The following SESTD1 variants were observed in gnomAD, a reference collection of about 807,000 sequenced individuals.
SESTD1 encodes SEC14 and spectrin domain containing 1.
A neutral mutation model predicts 101.7 loss-of-function variants in SESTD1; 43 were observed. That is an observed-to-expected ratio of 0.42 (90% CI 0.33 to 0.55). The LOEUF is 0.55. Ranked by LOEUF, SESTD1 falls within the 20% of genes least tolerant of loss-of-function variation. The pLI, the probability that SESTD1 is intolerant of heterozygous loss-of-function variation, is 0.07. For missense variants in SESTD1, 647 were observed against 815.1 expected (o/e 0.79, Z 2.51); for synonymous variants, 283 against 286.8 (o/e 0.99, Z 0.13).
At chr2:179,264,152 T>C (rs926874766) in intron 1 of SESTD1, 1 of 152,098 alleles carries the variant, frequency 6.6e-6, no homozygotes, top group African/African-American at 2.4e-5. Flanking sequence ...CACCCAGAAA[T>C]GAACAAGGGC....
chr2:179,217,748 A>G (rs900621944), intron 1 of SESTD1, among the ~76,000 whole-genome samples: 1 of 152,224 alleles, frequency 6.6e-6, no homozygotes, highest in Non-Finnish European at 1.5e-5. Flanking sequence ...CATCAATGAT[A>G]GACTGGATTA....
chr2:179,139,848 C>G (rs563619886), intron 9 of SESTD1, among the ~76,000 whole-genome samples: 22 of 152,140 alleles, frequency 1.4e-4, no homozygotes, highest in Non-Finnish European at 3.1e-4. Context: ...CAGAACTCCT[C>G]GAAGAGATGG....
chr2:179,182,295 T>A (rs563024163), intron 3 of SESTD1, among the ~76,000 whole-genome samples: 24 of 152,178 alleles, frequency 1.6e-4, no homozygotes, highest in African/African-American at 4.8e-4. Flanking sequence ...TGCCCTCATT[T>A]ACATGCTTAA....
intron 1 of SESTD1, among the ~76,000 whole-genome samples, chr2:179,260,248 C>T (rs758551334): frequency 6.6e-6 from 1 of 152,062 alleles, no homozygotes; most frequent in East Asian, 1.9e-4. Flanking sequence ...AATAAGAAAA[C>T]GGGCCAGGTG....
chr2:179,212,394 C>T (rs924951872), intron 1 of SESTD1, among the ~76,000 whole-genome samples: 1 of 136,534 alleles, frequency 7.3e-6, no homozygotes, highest in Non-Finnish European at 1.6e-5. Context: ...TTGCTCACTG[C>T]TAGCGCAGCA....
chr2:179,200,320 C>G (rs2046486133), intron 1 of SESTD1, among the ~76,000 whole-genome samples: 1 of 152,024 alleles, frequency 6.6e-6, no homozygotes, highest in Admixed American at 6.5e-5. Context: ...TAGGAAGAAT[C>G]AATATCGTGA....
At chr2:179,261,432 G>C (rs1232256442) in intron 1 of SESTD1, among the ~76,000 whole-genome samples, 1 of 151,950 alleles carries the variant, frequency 6.6e-6, no homozygotes, top group Non-Finnish European at 1.5e-5. Flanking sequence ...AAAAAAACAA[G>C]CAAATGATTA....
At chr2:179,156,580 G>A (rs1017069392) in intron 5 of SESTD1, among the ~76,000 whole-genome samples, 2 of 152,200 alleles carry the variant, frequency 1.3e-5, no homozygotes, top group Non-Finnish European at 2.9e-5. Context: ...CATTAGTGAT[G>A]TTGAGCATTT....
At position 179,109,646 on chromosome 2, in the gene SESTD1, C is replaced by A. The variant is rs756818104; in HGVS notation, c.*253G>T. The A allele has an allele frequency of 6.4e-6, 3 of 471,008 alleles. No homozygotes were observed. The highest frequency in any genetic ancestry group is 2.0e-5 in the African/African-American group (1 of 51,054). The allele number at this position is 471,008 out of a possible 1,614,324, so 29.2% of individuals were successfully genotyped here. Reference sequence around the variant, plus strand: ...CTACAAACTGACAGGTCAGGTAAAGCTTTAAAGCAAGTTTTCAGTGCAATG... The same window carrying A: ...CTACAAACTGACAGGTCAGGTAAAGATTTAAAGCAAGTTTTCAGTGCAATG... On this transcript the variant is annotated 3_prime_UTR_variant, in exon 18 of 18. Coordinates refer to ENST00000428443, the MANE Select transcript of SESTD1 (RefSeq NM_178123.5).
At chr2:179,125,626 C>G (rs76298720) in intron 10 of SESTD1, among the ~76,000 whole-genome samples, 8,477 of 152,272 alleles carry the variant, frequency 0.056, 300 homozygotes, top group South Asian at 0.091. Flanking sequence ...TGCTTATAAA[C>G]TACAAAAGGA....
At chr2:179,165,781 A>G (rs1211333057) in intron 5 of SESTD1, among the ~76,000 whole-genome samples, 1 of 152,198 alleles carries the variant, frequency 6.6e-6, no homozygotes, top group East Asian at 1.9e-4. Flanking sequence ...ACATCCTTCC[A>G]CAAAGTCTAC....
chr2:179,232,464 G>T (rs931483738), intron 1 of SESTD1, among the ~76,000 whole-genome samples: 1 of 151,140 alleles, frequency 6.6e-6, no homozygotes, highest in Non-Finnish European at 1.5e-5. Flanking sequence ...AATGAACAAG[G>T]TTAATCCAGA....
chr2:179,115,862 A>G (rs1302599096), intron 15 of SESTD1, among the ~76,000 whole-genome samples: 1 of 152,220 alleles, frequency 6.6e-6, no homozygotes, highest in Non-Finnish European at 1.5e-5. Context: ...ACTGGCCAGA[A>G]AGAATGTCTG....
rs780814460 is a variant in SESTD1, at chr2:179,109,681, C to A, written c.*218G>T. 1 of 545,102 alleles carries A rather than the reference C, an allele frequency of 1.8e-6. No homozygotes were observed. Among genetic ancestry groups the A allele is most frequent in the Non-Finnish European group, 3.1e-6 (1 of 319,962 alleles). The allele number at this position is 545,102 out of a possible 1,614,324, so 33.8% of individuals were successfully genotyped here. A position where few individuals can be genotyped will look rare whatever the true frequency, so the allele number is the denominator to read the frequency against. On this transcript the variant is annotated 3_prime_UTR_variant, in exon 18 of 18. Coordinates refer to ENST00000428443, the MANE Select transcript of SESTD1 (RefSeq NM_178123.5). ...AGTTTTCAGTGCAATGTTTATAGTT[C>A]CTTCTTTTAAGATACTTGGAATCTA... is the stretch of plus-strand genomic sequence containing the variant.
At chr2:179,112,890 G>C in intron 16 of SESTD1, 45 bp from the exon 17 acceptor site, 1 of 1,567,840 alleles carries the variant, frequency 6.4e-7, no homozygotes. Flanking sequence ...ACACAGACAG[G>C]TCTGCAGTTT....
At position 179,176,460 on chromosome 2, in the gene SESTD1, G is replaced by C. The variant is rs542574770; in HGVS notation, c.243C>G (p.Val81=). The C allele has an allele frequency of 6.8e-6, 11 of 1,612,712 alleles. No homozygotes were observed. The East Asian group carries it at 2.2e-4, about 33-fold the overall frequency. The change falls in exon 4 of 18, where the codon GTC becomes GTG. Residue 81 remains valine (V), a synonymous_variant. Coordinates refer to ENST00000428443, the MANE Select transcript of SESTD1 (RefSeq NM_178123.5). Reference sequence around the variant, plus strand: ...AAACCAAAATTACCTGTAGCATTACGACTACTGTTTTCACCACATTCCACT... The same window carrying C: ...AAACCAAAATTACCTGTAGCATTACCACTACTGTTTTCACCACATTCCACT... ...KSQWNVVKTV[V]VMLQNVVPAE...
intron 3 of SESTD1, among the ~76,000 whole-genome samples, chr2:179,177,493 C>G (rs6433767): frequency 1.3e-5 from 2 of 151,988 alleles, no homozygotes; most frequent in African/African-American, 2.4e-5. Flanking sequence ...AAATCCACCA[C>G]CAGTTCAGGG....
rs371188409 is a variant in SESTD1 at position 179,190,364 on chromosome 2, C to A, written c.55+1423G>T. 5.0e-4 allele frequency among the ~76,000 whole-genome samples: 76 copies of A among 152,204 alleles called. 1 individual carries two copies. In the South Asian group the frequency reaches 0.011, roughly 21 times the overall value. On this transcript the variant is annotated intron_variant, in intron 2 of 17. Coordinates refer to ENST00000428443, the MANE Select transcript of SESTD1 (RefSeq NM_178123.5). ...TGCAGAAGAATGAAACTGAACCATA[C>A]CTTTCACCATATACAAAAATTAACT...
At chr2:179,232,727 T>C (rs1404827236) in intron 1 of SESTD1, among the ~76,000 whole-genome samples, 1 of 152,114 alleles carries the variant, frequency 6.6e-6, no homozygotes, top group Non-Finnish European at 1.5e-5. Context: ...AATATAGATA[T>C]CCAGTATATA....
Sources: allele counts gnomAD v4.1 joint callset (sites outside exome capture counted in the v4.1 genomes callset), GRCh38; gene constraint gnomAD v4.1.1; transcripts MANE v1.5; gene names NCBI Gene and HGNC (gene_info 2026-07-23, HGNC 2026-07-21).